The following RCSD1 variants were observed in gnomAD, a reference collection of about 807,000 sequenced individuals.
The protein encoded by RCSD1 is capZ-interacting protein.
RCSD1 carries 26 observed loss-of-function variants against 42.5 expected under a neutral mutation model. The observed-to-expected ratio is 0.61, with a 90% confidence interval of 0.45 to 0.85. The LOEUF (loss-of-function observed/expected upper bound fraction) is 0.85, where lower values mean the gene tolerates loss of function less well. Among genes scored for constraint, RCSD1 ranks in the 40% least tolerant of loss-of-function variants. RCSD1 has a pLI of 0.00. For synonymous variants in RCSD1, 220 were observed against 212.2 expected (o/e 1.04, Z -0.32); for missense variants, 571 against 528.3 (o/e 1.08, Z -0.79).
At chr1:167,677,825 A>C (rs1658987491) in intron 1 of RCSD1, among the ~76,000 whole-genome samples, 1 of 152,180 alleles carries the variant, frequency 6.6e-6, no homozygotes, top group Non-Finnish European at 1.5e-5. Flanking sequence ...AATTCAACAA[A>C]ACTGTTTAGG....
At chr1:167,674,316 G>A (rs1195360664) in intron 1 of RCSD1, among the ~76,000 whole-genome samples, 1 of 152,216 alleles carries the variant, frequency 6.6e-6, no homozygotes, top group Non-Finnish European at 1.5e-5. Flanking sequence ...GCTGGAGGCA[G>A]GGAAGGGCTG....
At chr1:167,674,341 G>C (rs746958860) in intron 1 of RCSD1, among the ~76,000 whole-genome samples, 1 of 152,212 alleles carries the variant, frequency 6.6e-6, no homozygotes, top group African/African-American at 2.4e-5. Context: ...TGTGGGTGGA[G>C]GGTGCTGAGC....
rs145561033 is a variant in RCSD1 at position 167,685,479 on chromosome 1, C to T, written c.167C>T (p.Pro56Leu). 17 of 1,613,852 alleles carry T rather than the reference C, an allele frequency of 1.1e-5. No individual in the cohort carries two copies. Among genetic ancestry groups the T allele is most frequent in the Admixed American group, 3.3e-5 (2 of 59,984 alleles). Residue 56 changes from proline to leucine, a missense_variant, in exon 3 of 7, where the codon CCC becomes CTC. Pro to Leu is a moderately conservative substitution (Grantham distance 98). Transcript: ENST00000367854. ...CCCTGTTCCCTCCCCCTGTTCCCCC[C>T]CAAGGTAGACCTGGGCCAGAATGGT... ...KPPCSLPLFP[P>L]KVDLGQNGEE... is the part of the protein sequence containing the mutation.
intron 6 of RCSD1, among the ~76,000 whole-genome samples, chr1:167,702,615 C>T (rs1218793264): frequency 1.3e-5 from 2 of 152,082 alleles, no homozygotes; most frequent in South Asian, 4.1e-4. Context: ...CCTGTCTCTA[C>T]TAAAAATACA....
chr1:167,667,985 A>G (rs1298610347), intron 1 of RCSD1, among the ~76,000 whole-genome samples: 1 of 152,136 alleles, frequency 6.6e-6, no homozygotes, highest in Non-Finnish European at 1.5e-5. Flanking sequence ...AACATGAAAA[A>G]TGTGGGTATT....
intron 1 of RCSD1, among the ~76,000 whole-genome samples, chr1:167,668,352 C>T (rs1375604876): frequency 6.6e-6 from 1 of 152,068 alleles, no homozygotes; most frequent in Non-Finnish European, 1.5e-5. Context: ...CCTCCTGTCT[C>T]TCCTCCAGGA....
chr1:167,678,298 C>T (rs1658997978), intron 1 of RCSD1, among the ~76,000 whole-genome samples: 1 of 152,136 alleles, frequency 6.6e-6, no homozygotes, highest in African/African-American at 2.4e-5. Flanking sequence ...TATATTCAAC[C>T]TCCTGCATTG....
chr1:167,638,306 C>G (rs997984171), intron 1 of RCSD1: 3 of 152,200 alleles, frequency 2.0e-5, no homozygotes, highest in Admixed American at 2.0e-4. Flanking sequence ...TAATTACTAC[C>G]ACTTGTTGAA....
At position 167,647,138 on chromosome 1, in the gene RCSD1, A is replaced by G. The variant is rs1474660137; in HGVS notation, c.6+16709A>G. Among the ~76,000 whole-genome samples, 2 of 151,096 alleles carry G rather than the reference A, an allele frequency of 1.3e-5. 1 individual carries two copies. The highest frequency in any genetic ancestry group is 1.3e-4 in the Admixed American group (2 of 15,178). ...AGAGTGAAACTCCATCTCAAAAAAA[A>G]AGAGAGAGAGAAGGGGGTAGAGGCA... On this transcript the variant is annotated intron_variant, in intron 1 of 6. Coordinates refer to ENST00000367854, the MANE Select transcript of RCSD1 (RefSeq NM_052862.4).
intron 1 of RCSD1, among the ~76,000 whole-genome samples, chr1:167,659,980 CCT>C (rs1401448866): frequency 6.6e-6 from 1 of 152,152 alleles, no homozygotes; most frequent in East Asian, 1.9e-4. Context: ...TGCCCACGTG[CCT>C]CTTTTTTGCA....
chr1:167,637,351 T>C (rs879441542), intron 1 of RCSD1, among the ~76,000 whole-genome samples: 3 of 152,192 alleles, frequency 2.0e-5, no homozygotes, highest in Non-Finnish European at 2.9e-5. Context: ...AAGGAACTCA[T>C]TCTATTTGGG....
chr1:167,689,253 G>C (rs202085518), intron 3 of RCSD1, among the ~76,000 whole-genome samples: 1 of 152,110 alleles, frequency 6.6e-6, no homozygotes, highest in Admixed American at 6.5e-5. Context: ...TTTGGGAGGT[G>C]GGTGGATCAC....
At chr1:167,651,858 C>T (rs549057997) in intron 1 of RCSD1, among the ~76,000 whole-genome samples, 1 of 152,194 alleles carries the variant, frequency 6.6e-6, no homozygotes, top group South Asian at 2.1e-4. Context: ...AGGGGGGCTG[C>T]GTTCCTCCCT....
intron 1 of RCSD1, among the ~76,000 whole-genome samples, chr1:167,662,364 T>C (rs1314957286): frequency 6.6e-6 from 1 of 152,142 alleles, no homozygotes; most frequent in Non-Finnish European, 1.5e-5. Flanking sequence ...CACTCGTGTG[T>C]GTATGTGGTA....
Position 167,692,223 on chromosome 1 carries a change from C to T in RCSD1, c.271-1876C>T, listed in dbSNP as rs77817895. ...ATGTGGGAGAAACAGCTAAGAAATG[C>T]GTCGCCAGCTAGATTTTCTTCTAAC... On this transcript the variant is annotated intron_variant, in intron 4 of 6. Transcript: ENST00000367854. 7.6e-3 allele frequency among the ~76,000 whole-genome samples: 1,162 copies of T among 152,280 alleles called. 15 individuals are homozygous for T. The highest frequency in any genetic ancestry group is 0.027 in the African/African-American group (1,110 of 41,550).
At chr1:167,679,390 C>A (rs1659026210) in intron 1 of RCSD1, among the ~76,000 whole-genome samples, 1 of 152,226 alleles carries the variant, frequency 6.6e-6, no homozygotes. Flanking sequence ...CCCTTTCCAT[C>A]CTCCTAGGAT....
chr1:167,638,957 C>T (rs1355011649), intron 1 of RCSD1, among the ~76,000 whole-genome samples: 2 of 152,164 alleles, frequency 1.3e-5, no homozygotes, highest in Non-Finnish European at 2.9e-5. Flanking sequence ...GTGGCTTATG[C>T]CTGTAATCCC....
intron 1 of RCSD1, among the ~76,000 whole-genome samples, chr1:167,644,078 G>A (rs1658069550): frequency 6.6e-6 from 1 of 152,156 alleles, no homozygotes; most frequent in Non-Finnish European, 1.5e-5. Flanking sequence ...ATCCATACTA[G>A]AACCTGGGAG....
chr1:167,655,377 C>T (rs937586741), intron 1 of RCSD1, among the ~76,000 whole-genome samples: 6 of 152,156 alleles, frequency 3.9e-5, no homozygotes, highest in African/African-American at 1.4e-4. Flanking sequence ...TTTCTCTCCT[C>T]TTTTATTTTT....
Sources: allele counts gnomAD v4.1 joint callset (sites outside exome capture counted in the v4.1 genomes callset), GRCh38; gene constraint gnomAD v4.1.1; transcripts MANE v1.5; gene names NCBI Gene and HGNC (gene_info 2026-07-23, HGNC 2026-07-21).